The following KRT31 variants were observed in gnomAD, a reference collection of about 807,000 sequenced individuals.
KRT31 encodes keratin 31.
Under a neutral mutation model 40.8 loss-of-function variants are expected in KRT31, and 27 were observed. That is an observed-to-expected ratio of 0.66 (90% CI 0.49 to 0.91). The LOEUF (loss-of-function observed/expected upper bound fraction) is 0.91. Among genes scored for constraint, KRT31 ranks in the 40% least tolerant of loss-of-function variants. The pLI, the probability that KRT31 is intolerant of heterozygous loss-of-function variation, is 0.00. For synonymous variants in KRT31, 231 were observed against 231.9 expected (o/e 1.00, Z 0.03); for missense variants, 510 against 544.1 (o/e 0.94, Z 0.62).
chr17:41,394,665 A>G, intron 6 of KRT31, 183 bp downstream of exon 6: 1 of 749,612 alleles, frequency 1.3e-6, no homozygotes. Context: ...TACATCAAAC[A>G]ACTCTTGCTA....
Position 41,397,577 on chromosome 17 carries a change from C to A in KRT31, c.-38G>T. 6.4e-7 allele frequency: 1 copy of A among 1,561,016 alleles called. No homozygotes were observed. The highest frequency in any genetic ancestry group is 8.7e-7 in the Non-Finnish European group (1 of 1,153,826). ...GAGGGAGGGAGTGCCTGGCTGAAGA[C>A]AGAGTCTAAATTCTCCAAGCCACAG... On this transcript the variant is annotated 5_prime_UTR_variant, in exon 1 of 7. Transcript: ENST00000251645.
In KRT31 at chr17:41,396,939, C is replaced by T. The variant is rs1166596083; in HGVS notation, c.405G>A (p.Lys135=). The part of the protein sequence containing the change: ...ARLVVQIDNA[K]LAADDFRTKY... Reference sequence around the variant, plus strand: ...TGGTTCTGAAATCATCCGCAGCCAGCTTGGCGTTGTCGATCTGCACCACAA... The same window carrying T: ...TGGTTCTGAAATCATCCGCAGCCAGTTTGGCGTTGTCGATCTGCACCACAA... Residue 135 remains lysine (K), a synonymous_variant, in exon 2 of 7, where the codon AAG becomes AAA. Transcript: ENST00000251645. The T allele has an allele frequency of 6.2e-7, 1 of 1,614,028 alleles. No homozygotes were observed. Among genetic ancestry groups the T allele is most frequent in the Non-Finnish European group, 8.5e-7 (1 of 1,180,006 alleles).
chr17:41,393,798 G>A lies in KRT31; in HGVS notation c.*218C>T. The A allele has an allele frequency of 3.7e-6, 2 of 539,648 alleles. No individual in the cohort carries two copies. Among genetic ancestry groups the A allele is most frequent in the Non-Finnish European group, 6.4e-6 (2 of 311,006 alleles). 33.4% of individuals were successfully genotyped at this position (539,648 alleles called of 1,614,324 possible). On this transcript the variant is annotated 3_prime_UTR_variant, in exon 7 of 7. Transcript: ENST00000251645. ...GCACATCAGAGAGTTCTCTGGGTGA[G>A]CATAGGAAGGAACAGACCCCCAGGA...
intron 4 of KRT31, 21 bp downstream of exon 4, chr17:41,395,441 G>A (rs756362721): frequency 6.2e-7 from 1 of 1,614,006 alleles, no homozygotes; most frequent in South Asian, 1.1e-5. Flanking sequence ...GTCCTGAGGG[G>A]CCACGTGCTT....
chr17:41,395,746 T>C (rs966204020), intron 3 of KRT31, 123 bp from the exon 4 acceptor site: 3 of 1,164,212 alleles, frequency 2.6e-6, no homozygotes, highest in Non-Finnish European at 2.4e-6. Flanking sequence ...GTGGAGCAGT[T>C]TGTGACAGCT....
At chr17:41,396,783 G>T (rs113213856) in intron 2 of KRT31, 130 bp downstream of exon 2, 20 of 1,011,790 alleles carry the variant, frequency 2.0e-5, no homozygotes, top group Admixed American at 7.4e-5. Flanking sequence ...GCATTTCTTT[G>T]CTTGGTTCTC....
intron 4 of KRT31, 37 bp downstream of exon 4, chr17:41,395,425 C>A (rs558431041): frequency 2.5e-6 from 4 of 1,613,806 alleles, no homozygotes; most frequent in Non-Finnish European, 3.4e-6. Context: ...CCCTGGGGGG[C>A]CTTGGGTCCT....
At chr17:41,395,820 G>GA (rs889185856) in intron 3 of KRT31, among the ~76,000 whole-genome samples, 197 bp from the exon 4 acceptor site, 4 of 152,084 alleles carry the variant, frequency 2.6e-5, no homozygotes, top group African/African-American at 4.8e-5. Context: ...CTTGGCTTCA[G>GA]AAAAAAATCC....
intron 2 of KRT31, 50 bp from the exon 3 acceptor site, chr17:41,396,626 C>T (rs2018231647): frequency 3.8e-6 from 6 of 1,576,384 alleles, no homozygotes; most frequent in Non-Finnish European, 4.3e-6. Flanking sequence ...TCAAGACTCA[C>T]AGGAATGATT....
chr17:41,394,058 G>A lies in KRT31; in HGVS notation c.1209C>T (p.Ala403=), dbSNP rs146816273. The A allele has an allele frequency of 6.8e-5, 110 of 1,613,436 alleles. No homozygotes were observed. The highest frequency in any genetic ancestry group is 8.5e-5 in the Non-Finnish European group (100 of 1,179,768). ...CVPPAPCTPC[A]PRPRCGPCNS... The stretch of plus-strand genomic sequence containing the variant: ...TGCAGGGCCCACAGCGGGGGCGTGG[G>A]GCACAGGGTGTGCAGGGGGCAGGAG... The change falls in exon 7 of 7, where the codon GCC becomes GCT. Residue 403 remains alanine (A), a synonymous_variant. Coordinates refer to ENST00000251645, the MANE Select transcript of KRT31 (RefSeq NM_002277.3).
At chr17:41,394,807 A>T (rs1386398003) in intron 6 of KRT31, 41 bp downstream of exon 6, 3 of 1,611,038 alleles carry the variant, frequency 1.9e-6, no homozygotes, top group Non-Finnish European at 2.5e-6. Context: ...TTACACTCAC[A>T]CGTGCATCAT....
intron 6 of KRT31, among the ~76,000 whole-genome samples, 193 bp from the exon 7 acceptor site, chr17:41,394,362 G>C (rs1476758034): frequency 2.0e-5 from 3 of 152,178 alleles, no homozygotes; most frequent in Non-Finnish European, 4.4e-5. Context: ...AGAGCACCAA[G>C]GTAGACAGAA....
At chr17:41,395,217 C>T in intron 5 of KRT31, 28 bp downstream of exon 5, 1 of 1,612,492 alleles carries the variant, frequency 6.2e-7, no homozygotes, top group Non-Finnish European at 8.5e-7. Flanking sequence ...GTTCCCGTCG[C>T]TCACCAGCAG....
chr17:41,394,930 A>G lies in KRT31; in HGVS notation c.1015T>C (p.Tyr339His). The G allele has an allele frequency of 6.2e-7, 1 of 1,614,066 alleles. No homozygotes were observed. Among genetic ancestry groups the G allele is most frequent in the Non-Finnish European group, 8.5e-7 (1 of 1,179,988 alleles). Residue 339 changes from tyrosine (Y) to histidine (H), a missense_variant, in exon 6 of 7, where the codon TAC (tyrosine) becomes CAC (histidine). By Grantham distance (83) the Tyr-to-His change is moderately conservative. Coordinates refer to ENST00000251645, the MANE Select transcript of KRT31 (RefSeq NM_002277.3). ...GCACGCACATCCAGCAGCACCTGGT[A>G]CTCCTGGTTCTGCCGCTCCAGGTCA... is the stretch of plus-strand genomic sequence containing the variant. Reference protein sequence around the residue: ...RSDLERQNQEYQVLLDVRARL... With the variant: ...RSDLERQNQEHQVLLDVRARL...
At position 41,395,576 on chromosome 17, in the gene KRT31, C is replaced by A. The variant is rs143813564; in HGVS notation, c.636G>T (p.Glu212Asp). 2 of 1,614,250 alleles carry A rather than the reference C, an allele frequency of 1.2e-6. No individual in the cohort carries two copies. ...GGTCCACAGTGGGAGCAGCATCCACCTCCACATTGAGGCGGTCTCCAAGCT... is the reference window on the plus strand; with the variant it reads ...GGTCCACAGTGGGAGCAGCATCCACATCCACATTGAGGCGGTCTCCAAGCT... ...RCQLGDRLNV[E>D]VDAAPTVDLN... The change falls in exon 4 of 7, where the codon GAG (glutamate) becomes GAT (aspartate). Residue 212 changes from glutamate (E) to aspartate (D), a missense_variant. By Grantham distance (45) the Glu-to-Asp change is conservative (BLOSUM62 2). Transcript: ENST00000251645.
rs757585367 is a variant in KRT31, at chr17:41,397,254, C to T, written c.286G>A (p.Glu96Lys). The change falls in exon 1 of 7, where the codon GAG (glutamate) becomes AAG (lysine). Residue 96 changes from glutamate to lysine, a missense_variant. Glu to Lys is a moderately conservative substitution (Grantham distance 56). Transcript: ENST00000251645. ...NLIRERSQQQ[E>K]PLLCPSYQSY... ...TGGTAACTGGGGCACAGCAAGGGCT[C>T]CTGCTGCTGAGACCGCTCCCGGATG... is the stretch of plus-strand genomic sequence containing the variant. 1.6e-5 allele frequency: 26 copies of T among 1,614,090 alleles called. No homozygotes were observed. The South Asian group carries it at 2.5e-4, about 16-fold the overall frequency.
chr17:41,396,381 G>T, intron 3 of KRT31, 39 bp downstream of exon 3: 1 of 1,598,304 alleles, frequency 6.3e-7, no homozygotes, highest in Non-Finnish European at 8.5e-7. Context: ...TGAGCCAGAG[G>T]CTGAGACAGG....
rs777280567 is a variant in KRT31 at position 41,395,549 on chromosome 17, C to T, written c.663G>A (p.Leu221=). Residue 221 remains leucine (L), a synonymous_variant, in exon 4 of 7, where the codon CTG becomes CTA. Transcript: ENST00000251645. ...TCCTGGTCTCGTTCAGCACCCGATT[C>T]AGGTCCACAGTGGGAGCAGCATCCA... ...VEVDAAPTVD[L]NRVLNETRSQ... is the part of the protein sequence containing the mutation. 5 of 1,614,226 alleles carry T rather than the reference C, an allele frequency of 3.1e-6. No homozygotes were observed. In the East Asian group the frequency reaches 1.1e-4, roughly 36 times the overall value.
chr17:41,395,301 C>A lies in KRT31; in HGVS notation c.820G>T (p.Glu274Ter). 6.2e-7 allele frequency: 1 copy of A among 1,613,394 alleles called. No homozygotes were observed. The highest frequency in any genetic ancestry group is 8.5e-7 in the Non-Finnish European group (1 of 1,180,030). Residue 274 changes from glutamate to a stop codon, truncating the protein, a stop_gained, in exon 5 of 7, where the codon GAG becomes TAG. Coordinates refer to ENST00000251645, the MANE Select transcript of KRT31 (RefSeq NM_002277.3). LOFTEE classifies it high-confidence loss of function. ...QLQSYQAEII[E>*]LRRTVNALEI... ...AGGGCGTTGACTGTGCGTCTCAGCT[C>A]GATGATCTCCGCCTGGTAGGACTGC...
Sources: allele counts gnomAD v4.1 joint callset (sites outside exome capture counted in the v4.1 genomes callset), GRCh38; gene constraint gnomAD v4.1.1; transcripts MANE v1.5; gene names NCBI Gene and HGNC (gene_info 2026-07-23, HGNC 2026-07-21).